PPM1F: variants seen among roughly 807,000 people sequenced by gnomAD.
PPM1F encodes the protein protein phosphatase 1F.
Under a neutral mutation model 35.5 loss-of-function variants are expected in PPM1F, and 17 were observed. That is an observed-to-expected ratio of 0.48 (90% CI 0.33 to 0.72). The LOEUF (loss-of-function observed/expected upper bound fraction) is 0.72. Among genes scored for constraint, PPM1F ranks in the 30% least tolerant of loss-of-function variants. PPM1F has a pLI of 0.02. For missense variants in PPM1F, 521 were observed against 613.0 expected, an observed-to-expected ratio of 0.85 and a Z score of 1.59; for synonymous variants, 241 against 255.5, an observed-to-expected ratio of 0.94 and a Z score of 0.54.
chr22:21,924,627 G>A (rs999411380), intron 7 of PPM1F, among the ~76,000 whole-genome samples: 6 of 149,284 alleles, frequency 4.0e-5, no homozygotes, highest in African/African-American at 9.9e-5. Context: ...CTGGAGTGCA[G>A]TGGCACGATC....
At chr22:21,938,244 C>G (rs776043654) in intron 3 of PPM1F, 14 of 1,301,338 alleles carry the variant, frequency 1.1e-5, no homozygotes, top group Non-Finnish European at 1.4e-5. Flanking sequence ...GACAGAGACC[C>G]ATCAGGCGGG....
intron 1 of PPM1F, chr22:21,949,643 G>C (rs1395283250): frequency 6.6e-6 from 1 of 152,352 alleles, no homozygotes; most frequent in Non-Finnish European, 1.5e-5. Context: ...TTCCTGAGCA[G>C]GGCACACCAG....
In PPM1F at chr22:21,933,935, G is replaced by A. The variant is rs1601783506; in HGVS notation, c.558+89C>T. The A allele has an allele frequency of 1.8e-5, 23 of 1,268,018 alleles. No individual in the cohort carries two copies. In the East Asian group the frequency reaches 5.9e-4, roughly 33 times the overall value. The allele number at this position is 1,268,018 out of a possible 1,614,324, so 78.5% of individuals were successfully genotyped here. On this transcript the variant is annotated intron_variant, in intron 4 of 7. Coordinates refer to ENST00000263212, the MANE Select transcript of PPM1F (RefSeq NM_014634.4). The stretch of plus-strand genomic sequence containing the variant: ...CGGGTGTCTCTCCTGTCTCAGCCTT[G>A]GTGGGCAGCTCTTCTCGGTACCTGG...
chr22:21,932,949 C>A (rs1478574369), intron 5 of PPM1F, among the ~76,000 whole-genome samples: 1 of 152,212 alleles, frequency 6.6e-6, no homozygotes, highest in African/African-American at 2.4e-5. Context: ...GGCTCTGGCC[C>A]AGCTTCCCTC....
Position 21,933,566 on chromosome 22 carries a change from C to T in PPM1F, c.572G>A (p.Arg191His), listed in dbSNP as rs936716075. Residue 191 changes from arginine to histidine, a missense_variant, in exon 5 of 8, where the codon CGC (arginine) becomes CAC (histidine). Coordinates refer to ENST00000263212, the MANE Select transcript of PPM1F (RefSeq NM_014634.4). ...QLFGLSDPVNRAYFAVFDGHG... is the reference protein window; with the variant it reads ...QLFGLSDPVNHAYFAVFDGHG... ...ACCATCAAACACAGCAAAGTAGGCG[C>T]GGTTCACAGGGTCCTGGTGGGGATG... 1 of 1,612,024 alleles carries T rather than the reference C, an allele frequency of 6.2e-7. No individual in the cohort carries two copies. Among genetic ancestry groups the T allele is most frequent in the Non-Finnish European group, 8.5e-7 (1 of 1,178,664 alleles).
rs1269958189 is a variant in PPM1F at position 21,945,861 on chromosome 22, A to G, written c.188T>C (p.Met63Thr). The G allele has an allele frequency of 1.9e-6, 3 of 1,610,844 alleles. No individual in the cohort carries two copies. Among genetic ancestry groups the G allele is most frequent in the Admixed American group, 3.3e-5 (2 of 59,966 alleles). The part of the protein sequence containing the change: ...EVEGELAELA[M>T]GFLGSRKAPP... The stretch of plus-strand genomic sequence containing the variant: ...GGCCTACCTGCTGCCCAGAAAGCCC[A>G]TGGCCAGCTCAGCCAGCTCGCCCTC... Residue 63 changes from methionine (M) to threonine (T), a missense_variant, in exon 2 of 8, where the codon ATG (methionine) becomes ACG (threonine). Transcript: ENST00000263212.
In PPM1F at chr22:21,919,672, C is replaced by G. The variant is rs1262301842; in HGVS notation, c.*3420G>C. ...CCGTGCATTTGGCAAAGCTATGGAG[C>G]CTTGGCAGAATGCACAGGACTCTGG... On this transcript the variant is annotated 3_prime_UTR_variant, in exon 8 of 8. Transcript: ENST00000263212. 2 of 152,262 alleles carry G rather than the reference C, an allele frequency of 1.3e-5. No individual in the cohort carries two copies. The highest frequency in any genetic ancestry group is 4.8e-5 in the African/African-American group (2 of 41,456). 9.4% of individuals were successfully genotyped at this position (152,262 alleles called of 1,614,324 possible). A position where few individuals can be genotyped will look rare whatever the true frequency, so the allele number is the denominator to read the frequency against.
intron 6 of PPM1F, among the ~76,000 whole-genome samples, chr22:21,930,686 G>C (rs1487089339): frequency 6.6e-6 from 1 of 152,192 alleles, no homozygotes; most frequent in Non-Finnish European, 1.5e-5. Context: ...CTTCTGAGAA[G>C]AGGTCTGAGT....
chr22:21,929,812 C>T (rs1047541558), intron 6 of PPM1F, among the ~76,000 whole-genome samples: 2 of 152,078 alleles, frequency 1.3e-5, no homozygotes, highest in African/African-American at 2.4e-5. Context: ...GACCGTGAGC[C>T]GCAGTGAAAG....
intron 3 of PPM1F, chr22:21,938,406 C>A (rs775012813): frequency 2.4e-5 from 28 of 1,153,532 alleles, no homozygotes; most frequent in Non-Finnish European, 3.0e-5. Flanking sequence ...AGGCTGCGCT[C>A]CCAGGGAATG....
chr22:21,923,174 C>A lies in PPM1F; in HGVS notation c.1283G>T (p.Gly428Val), dbSNP rs929230830. The part of the protein sequence containing the change: ...ELLEGGNQGE[G>V]DPQAEGRRQD... ...CCTCCTCCCTTCTGCCTGGGGGTCCCCTTCTCCCTGGTTCCCGCCCTCCAG... is the reference window on the plus strand; with the variant it reads ...CCTCCTCCCTTCTGCCTGGGGGTCCACTTCTCCCTGGTTCCCGCCCTCCAG... Residue 428 changes from glycine to valine, a missense_variant, in exon 8 of 8, where the codon GGG becomes GTG. Gly to Val is a moderately radical substitution (Grantham distance 109, BLOSUM62 -3). Transcript: ENST00000263212. The A allele has an allele frequency of 1.2e-6, 2 of 1,613,728 alleles. No individual in the cohort carries two copies. The highest frequency in any genetic ancestry group is 1.3e-5 in the African/African-American group (1 of 75,016).
chr22:21,935,173 A>G (rs1190252653), intron 3 of PPM1F: 1 of 152,246 alleles, frequency 6.6e-6, no homozygotes, highest in African/African-American at 2.4e-5. Flanking sequence ...AATACCACTC[A>G]AGAATGGCAA....
chr22:21,939,495 G>C lies in PPM1F; in HGVS notation c.355+37C>G. ...GTCGTCACCCTTTGTTGCCTGCTAA[G>C]CAGCCCTGGGGCCACCTCAGAAGAA... On this transcript the variant is annotated intron_variant, in intron 3 of 7. Coordinates refer to ENST00000263212, the MANE Select transcript of PPM1F (RefSeq NM_014634.4). This position sits in a 1 kb window ranked among gnomAD's most constrained non-coding sequence, Gnocchi z 5.1. 1.2e-6 allele frequency: 2 copies of C among 1,607,060 alleles called. No individual in the cohort carries two copies. The highest frequency in any genetic ancestry group is 2.2e-5 in the South Asian group (2 of 89,796).
chr22:21,926,394 A>G (rs28760474), intron 6 of PPM1F, among the ~76,000 whole-genome samples: 15,892 of 151,954 alleles, frequency 0.1, 908 homozygotes, highest in Non-Finnish European at 0.12. Context: ...GGCTTCCCAA[A>G]GTGCTGGGAT....
chr22:21,937,397 T>G (rs2070672048), intron 3 of PPM1F, among the ~76,000 whole-genome samples: 1 of 152,188 alleles, frequency 6.6e-6, no homozygotes, highest in South Asian at 2.1e-4. Context: ...AGGGGCCTAT[T>G]CAAGCATTTG....
chr22:21,932,538 G>A (rs1188291087), intron 5 of PPM1F, among the ~76,000 whole-genome samples: 3 of 152,198 alleles, frequency 2.0e-5, no homozygotes, highest in Admixed American at 1.3e-4. Flanking sequence ...AGCAACCTGA[G>A]CCTCAGTTTC....
At chr22:21,931,979 ATTT>A (rs754346108) in intron 5 of PPM1F, among the ~76,000 whole-genome samples, 4 of 148,248 alleles carry the variant, frequency 2.7e-5, no homozygotes, top group African/African-American at 9.9e-5. Flanking sequence ...TACCTGGCTA[ATTT>A]TTTTTTTTAA....
chr22:21,922,778 T>C lies in PPM1F; in HGVS notation c.*314A>G, dbSNP rs924343279. 1.3e-5 allele frequency: 4 copies of C among 307,042 alleles called. No individual in the cohort carries two copies. Among genetic ancestry groups the C allele is most frequent in the Non-Finnish European group, 2.4e-5 (4 of 166,318 alleles). The allele number at this position is 307,042 out of a possible 1,614,324, so 19.0% of individuals were successfully genotyped here. The stretch of plus-strand genomic sequence containing the variant: ...GCTGCCCCATGCACACCAGTGTCTT[T>C]GGTTTGGCTGCCGTTGGGCACCTAT... On this transcript the variant is annotated 3_prime_UTR_variant, in exon 8 of 8. Transcript: ENST00000263212.
intron 1 of PPM1F, chr22:21,947,961 T>C (rs1487081848): frequency 6.6e-6 from 1 of 152,120 alleles, no homozygotes; most frequent in East Asian, 1.9e-4. Context: ...TGAAGGGTGG[T>C]AAATTAACAA....
Sources: allele counts gnomAD v4.1 joint callset (sites outside exome capture counted in the v4.1 genomes callset), GRCh38; gene constraint gnomAD v4.1.1; non-coding constraint Gnocchi (gnomAD v3.1); transcripts MANE v1.5; gene names NCBI Gene and HGNC (gene_info 2026-07-23, HGNC 2026-07-21).